The following SLC8B1 variants were observed in gnomAD, a reference collection of about 807,000 sequenced individuals.
SLC8B1 encodes the protein solute carrier family 8 member B1, also known as mitochondrial sodium/calcium exchanger protein.
SLC8B1 carries 52 observed loss-of-function variants against 63.4 expected under a neutral mutation model. The observed-to-expected ratio is 0.82, with a 90% confidence interval of 0.66 to 1.03. The LOEUF (loss-of-function observed/expected upper bound fraction) is 1.03. SLC8B1 is among the 50% of genes least tolerant of loss of function. SLC8B1 has a pLI of 0.00. For synonymous variants in SLC8B1, 336 were observed against 323.9 expected (o/e 1.04, Z -0.40); for missense variants, 657 against 741.7 (o/e 0.89, Z 1.33).
intron 2 of SLC8B1, among the ~76,000 whole-genome samples, chr12:113,326,847 A>C (rs1009868517): frequency 1.3e-5 from 2 of 151,980 alleles, no homozygotes; most frequent in Admixed American, 6.6e-5. Context: ...CGGCCCTACT[A>C]TCTGGCTCTT....
chr12:113,303,009 G>A (rs1173142852), intron 15 of SLC8B1, among the ~76,000 whole-genome samples: 7 of 148,350 alleles, frequency 4.7e-5, no homozygotes, highest in South Asian at 2.1e-4. Flanking sequence ...AGACACACGC[G>A]CACACACACA....
In SLC8B1 at chr12:113,320,167, CAT is replaced by C. The variant is rs542267663; in HGVS notation, c.694+162_694+163del. 4.3e-4 allele frequency: 341 copies of C among 795,594 alleles called. 1 individual carries two copies. In the African/African-American group the frequency reaches 5.4e-3, roughly 13 times the overall value. The allele number at this position is 795,594 out of a possible 1,614,324, so 49.3% of individuals were successfully genotyped here. ...CAGGCCTCTTTGGTTATGTGACCCA[CAT>C]GTTCCCATTTTTGCTCAAGCCAGCT... is the stretch of plus-strand genomic sequence containing the variant. On this transcript the variant is annotated intron_variant, in intron 7 of 15. Transcript: ENST00000680972. The surrounding 1 kb of genome is among the most constrained non-coding windows in gnomAD (Gnocchi z 5.3).
rs1956539953 is a variant in SLC8B1, at chr12:113,299,568, G to C, written c.*209C>G. 1.7e-6 allele frequency: 1 copy of C among 578,106 alleles called. No homozygotes were observed. The highest frequency in any genetic ancestry group is 3.0e-5 in the Admixed American group (1 of 33,330). The allele number at this position is 578,106 out of a possible 1,614,324, so 35.8% of individuals were successfully genotyped here. On this transcript the variant is annotated 3_prime_UTR_variant, in exon 16 of 16. Transcript: ENST00000680972. ...GTCCAGAGCAAAGCCAGGTTTCCAA[G>C]GTCCCCACGGCAAGGCTGTTGGGTG...
In SLC8B1 at chr12:113,305,886, CT is replaced by C. The variant is rs530912224; in HGVS notation, c.1492+608del. On this transcript the variant is annotated intron_variant, in intron 14 of 15. Coordinates refer to ENST00000680972, the MANE Select transcript of SLC8B1 (RefSeq NM_001358345.2). This position sits in a 1 kb window ranked among gnomAD's most constrained non-coding sequence, Gnocchi z 4.3. ...ACAGCCTGGCCAACATAGTGAAACC[CT>C]GTCTCTACTAAAAATACAAAAATTA... 5.2e-3 allele frequency among the ~76,000 whole-genome samples: 790 copies of C among 151,994 alleles called. 10 individuals carry two copies. Among genetic ancestry groups the C allele is most frequent in the African/African-American group, 0.018 (750 of 41,456 alleles).
chr12:113,304,134 T>C (rs1956638021), intron 15 of SLC8B1, among the ~76,000 whole-genome samples, 187 bp downstream of exon 15: 1 of 151,982 alleles, frequency 6.6e-6, no homozygotes, highest in Non-Finnish European at 1.5e-5. Context: ...TCTGCCTCAG[T>C]CTCCCAAAGT....
At chr12:113,328,624 T>G (rs1278907395) in intron 2 of SLC8B1, among the ~76,000 whole-genome samples, 3 of 152,202 alleles carry the variant, frequency 2.0e-5, no homozygotes, top group African/African-American at 4.8e-5. Context: ...TCCTTCTGCC[T>G]GGTGCCACGA....
At chr12:113,307,089 C>T (rs190978705) in intron 13 of SLC8B1, among the ~76,000 whole-genome samples, 1,672 of 115,864 alleles carry the variant, frequency 0.014, 35 homozygotes, top group African/African-American at 0.053. Flanking sequence ...CCAGCCTGGG[C>T]GACAGAGCAA....
intron 2 of SLC8B1, among the ~76,000 whole-genome samples, chr12:113,332,071 G>A (rs1957063063): frequency 6.6e-6 from 1 of 152,052 alleles, no homozygotes; most frequent in Non-Finnish European, 1.5e-5. Flanking sequence ...CCTTTGCCCA[G>A]AATGCTCTTC....
At chr12:113,303,683 C>T (rs1361076061) in intron 15 of SLC8B1, among the ~76,000 whole-genome samples, 1 of 152,178 alleles carries the variant, frequency 6.6e-6, no homozygotes, top group African/African-American at 2.4e-5. Context: ...GATTTCTTCT[C>T]TAGAGGACCT....
At chr12:113,324,456 G>C (rs1253392017) in intron 2 of SLC8B1, among the ~76,000 whole-genome samples, 1 of 145,558 alleles carries the variant, frequency 6.9e-6, no homozygotes, top group Non-Finnish European at 1.5e-5. Flanking sequence ...ACCCAGGCTG[G>C]AGTACAATAG....
intron 13 of SLC8B1, 146 bp downstream of exon 13, chr12:113,307,545 C>G: frequency 1.0e-6 from 1 of 974,504 alleles, no homozygotes; most frequent in Non-Finnish European, 1.4e-6. Flanking sequence ...CAATGCTGGC[C>G]ACTCCACAGT....
intron 2 of SLC8B1, among the ~76,000 whole-genome samples, chr12:113,327,268 C>T (rs1957006998): frequency 6.6e-6 from 1 of 152,178 alleles, no homozygotes; most frequent in South Asian, 2.1e-4. Context: ...ACAGCTCCCT[C>T]TACTGAGCCC....
At chr12:113,333,168 T>G (rs531506508) in intron 1 of SLC8B1, among the ~76,000 whole-genome samples, 18 of 152,306 alleles carry the variant, frequency 1.2e-4, no homozygotes, top group Non-Finnish European at 2.2e-4. Flanking sequence ...CCCTTCTTCC[T>G]GAGAACCCAT....
intron 12 of SLC8B1, 34 bp downstream of exon 12, chr12:113,310,200 T>C: frequency 2.5e-6 from 4 of 1,589,656 alleles, no homozygotes; most frequent in Admixed American, 1.7e-5. Context: ...TCAGCATCCC[T>C]CCCCCCCCAT....
chr12:113,324,129 T>C (rs1173549742), intron 2 of SLC8B1, among the ~76,000 whole-genome samples: 1 of 151,870 alleles, frequency 6.6e-6, no homozygotes, highest in Non-Finnish European at 1.5e-5. Flanking sequence ...TTGGGTAACA[T>C]AGTAAGACCC....
chr12:113,306,942 C>T, intron 13 of SLC8B1: 1 of 301,800 alleles, frequency 3.3e-6, no homozygotes, highest in East Asian at 5.6e-5. Flanking sequence ...GAAACCTTGT[C>T]TCTATTAAAA....
chr12:113,308,077 G>A, intron 12 of SLC8B1: 1 of 455,004 alleles, frequency 2.2e-6, no homozygotes, highest in South Asian at 2.9e-5. Context: ...CGGGCACGGT[G>A]GCTCACCGCC....
At chr12:113,310,597 T>C (rs978582079) in intron 11 of SLC8B1, among the ~76,000 whole-genome samples, 1 of 152,184 alleles carries the variant, frequency 6.6e-6, no homozygotes, top group African/African-American at 2.4e-5. Flanking sequence ...TAGGAATGGC[T>C]ATAACCACTA....
At chr12:113,312,868 G>A (rs567594048) in intron 11 of SLC8B1, among the ~76,000 whole-genome samples, 1 of 152,184 alleles carries the variant, frequency 6.6e-6, no homozygotes, top group African/African-American at 2.4e-5. Context: ...CAGCTCATGG[G>A]CTTGACTTAG....
Sources: gnomAD v4.1 joint callset for allele counts (sites outside exome capture counted in the v4.1 genomes callset) on GRCh38, gnomAD v4.1.1 for gene constraint, Gnocchi (gnomAD v3.1) non-coding constraint, MANE v1.5 for transcripts, NCBI Gene and HGNC (gene_info 2026-07-23, HGNC 2026-07-21) for gene names.